The following ADGRL3 variants were observed in gnomAD, a reference collection of about 807,000 sequenced individuals.
ADGRL3 encodes the protein calcium-independent alpha-latrotoxin receptor 3.
In ADGRL3, 62 loss-of-function variants were observed where a neutral mutation model predicts 153.5. That is an observed-to-expected ratio of 0.40 (90% CI 0.33 to 0.50). The LOEUF (loss-of-function observed/expected upper bound fraction) is 0.50, where lower values mean the gene tolerates loss of function less well. ADGRL3 is among the 20% of genes least tolerant of loss of function. The pLI is 0.47. For missense variants in ADGRL3, 1,641 were observed against 1,859.4 expected, an observed-to-expected ratio of 0.88 and a Z score of 2.16; for synonymous variants, 710 against 672.5, an observed-to-expected ratio of 1.06 and a Z score of -0.86.
At chr4:61,530,160 A>G (rs557365693) in intron 4 of ADGRL3, among the ~76,000 whole-genome samples, 3 of 152,308 alleles carry the variant, frequency 2.0e-5, no homozygotes, top group East Asian at 1.9e-4. Context: ...AGATTTGGAC[A>G]TTATCTACAG....
At chr4:61,975,379 C>T (rs2099044359) in intron 17 of ADGRL3, among the ~76,000 whole-genome samples, 1 of 152,056 alleles carries the variant, frequency 6.6e-6, no homozygotes. Flanking sequence ...ATGCAAAGAC[C>T]ATGGGCTGGA....
chr4:61,688,491 A>G (rs13133974), intron 6 of ADGRL3, among the ~76,000 whole-genome samples: 6,382 of 152,178 alleles, frequency 0.042, 150 homozygotes, highest in Middle Eastern at 0.085. Context: ...CAATTTACAG[A>G]GTTTCTGTGA....
chr4:61,751,533 A>C (rs1188692391), intron 8 of ADGRL3, among the ~76,000 whole-genome samples: 1 of 152,156 alleles, frequency 6.6e-6, no homozygotes, highest in Admixed American at 6.6e-5. Flanking sequence ...CAGTAGAAAA[A>C]AGTATATAAT....
intron 9 of ADGRL3, among the ~76,000 whole-genome samples, chr4:61,875,866 G>A (rs970912586): frequency 1.3e-5 from 2 of 152,134 alleles, no homozygotes; most frequent in South Asian, 2.1e-4. Flanking sequence ...ACTTTTTTAG[G>A]AGACACCAGA....
chr4:61,395,966 T>G (rs1307282520), intron 2 of ADGRL3, among the ~76,000 whole-genome samples: 1 of 152,012 alleles, frequency 6.6e-6, no homozygotes, highest in Non-Finnish European at 1.5e-5. Flanking sequence ...GAATAATGAA[T>G]GAATGGAGTC....
intron 13 of ADGRL3, among the ~76,000 whole-genome samples, chr4:61,916,128 A>C (rs1163198314): frequency 1.3e-5 from 2 of 152,190 alleles, no homozygotes; most frequent in Admixed American, 6.6e-5. Context: ...GTTGTCAACT[A>C]TGATAACTGA....
At chr4:61,769,431 C>G (rs1326708481) in intron 8 of ADGRL3, among the ~76,000 whole-genome samples, 3 of 151,952 alleles carry the variant, frequency 2.0e-5, no homozygotes, top group African/African-American at 4.8e-5. Context: ...TTGGGCTGGT[C>G]GGTCTGAAGA....
intron 5 of ADGRL3, among the ~76,000 whole-genome samples, chr4:61,648,724 G>T (rs575764447): frequency 1.3e-5 from 2 of 151,972 alleles, no homozygotes; most frequent in African/African-American, 4.8e-5. Context: ...GAGAGAACTG[G>T]CATTCTTTTA....
chr4:61,846,319 A>T (rs2098116071), intron 9 of ADGRL3, among the ~76,000 whole-genome samples: 1 of 145,010 alleles, frequency 6.9e-6, no homozygotes, highest in Non-Finnish European at 1.5e-5. Flanking sequence ...CCTGTCTCTA[A>T]AAAAAAAAAA....
In ADGRL3 at chr4:61,737,976, T is replaced by C. The variant is rs2096538845; in HGVS notation, c.1399+4422T>C. ...TTTTTGAGGACCAGGTGGTATTTGG[T>C]TACATGAGTAAGTTTTTTAGTGGTG... On this transcript the variant is annotated intron_variant, in intron 8 of 26. Transcript: ENST00000683033. 3.3e-5 allele frequency among the ~76,000 whole-genome samples: 5 copies of C among 152,054 alleles called. 1 individual carries two copies. The South Asian group carries it at 1.0e-3, about 32-fold the overall frequency.
chr4:61,289,254 A>G (rs576672591), intron 1 of ADGRL3, among the ~76,000 whole-genome samples: 67 of 152,102 alleles, frequency 4.4e-4, no homozygotes, highest in African/African-American at 1.6e-3. Context: ...GATGCTAGAT[A>G]TATTTTCACC....
Position 62,044,472 on chromosome 4 carries a change from G to A in ADGRL3, c.3737G>A (p.Trp1246Ter), listed in dbSNP as rs1730041654. ...TGSQSRIRRMWNDTVRKQSES... is the reference protein window; with the variant it reads ...TGSQSRIRRM Reference sequence around the variant, plus strand: ...ACCCAGAGCCGAATCCGTAGAATGTGGAATGACACGGTTCGAAAGCAGTCA... The same window carrying A: ...ACCCAGAGCCGAATCCGTAGAATGTAGAATGACACGGTTCGAAAGCAGTCA... The change falls in exon 25 of 27, where the codon TGG becomes TAG. Residue 1246 changes from tryptophan to a stop codon, truncating the protein, a stop_gained. Coordinates refer to ENST00000683033, the MANE Select transcript of ADGRL3 (RefSeq NM_001387552.1). LOFTEE classifies it high-confidence loss of function. 6.3e-7 allele frequency: 1 copy of A among 1,592,022 alleles called. No homozygotes were observed. Among genetic ancestry groups the A allele is most frequent in the Non-Finnish European group, 8.6e-7 (1 of 1,168,550 alleles).
At chr4:61,306,140 C>T (rs2094776616) in intron 1 of ADGRL3, among the ~76,000 whole-genome samples, 1 of 151,842 alleles carries the variant, frequency 6.6e-6, no homozygotes, top group Non-Finnish European at 1.5e-5. Flanking sequence ...CTCTGTCACC[C>T]AGGCTGGAGT....
intron 9 of ADGRL3, among the ~76,000 whole-genome samples, chr4:61,875,213 C>G (rs2098468463): frequency 6.6e-6 from 1 of 152,134 alleles, no homozygotes; most frequent in Non-Finnish European, 1.5e-5. Flanking sequence ...CATTTTCTTT[C>G]TCTATGTAAA....
At chr4:61,749,573 A>G (rs2096723645) in intron 8 of ADGRL3, among the ~76,000 whole-genome samples, 1 of 152,152 alleles carries the variant, frequency 6.6e-6, no homozygotes, top group South Asian at 2.1e-4. Flanking sequence ...CATGGATGAA[A>G]TTGGAAATCA....
At chr4:61,722,075 T>G (rs1300604111) in intron 6 of ADGRL3, among the ~76,000 whole-genome samples, 1 of 152,184 alleles carries the variant, frequency 6.6e-6, no homozygotes, top group Non-Finnish European at 1.5e-5. Flanking sequence ...TGAAGCCAGC[T>G]AATTCAGATA....
intron 6 of ADGRL3, among the ~76,000 whole-genome samples, chr4:61,719,387 A>G (rs1234258536): frequency 6.6e-6 from 1 of 152,206 alleles, no homozygotes; most frequent in Non-Finnish European, 1.5e-5. Context: ...AATTGTCATG[A>G]ACACACTGTG....
At chr4:61,697,080 GATTA>G (rs1443485526) in intron 6 of ADGRL3, among the ~76,000 whole-genome samples, 2 of 126,450 alleles carry the variant, frequency 1.6e-5, no homozygotes, top group African/African-American at 5.1e-5. Flanking sequence ...TAGTAGCATT[GATTA>G]AATAATCAAT....
chr4:61,828,930 C>T (rs1431365989), intron 9 of ADGRL3, among the ~76,000 whole-genome samples: 1 of 152,154 alleles, frequency 6.6e-6, no homozygotes, highest in Non-Finnish European at 1.5e-5. Flanking sequence ...CTCCTCTTCC[C>T]TTACCATTTC....
Sources: gnomAD v4.1 joint callset for allele counts (sites outside exome capture counted in the v4.1 genomes callset) on GRCh38, gnomAD v4.1.1 for gene constraint, MANE v1.5 for transcripts, NCBI Gene and HGNC (gene_info 2026-07-23, HGNC 2026-07-21) for gene names.